ROBO2: variants seen among roughly 807,000 people sequenced by gnomAD.
ROBO2 encodes the protein roundabout homolog 2.
ROBO2 carries 53 observed loss-of-function variants against 160.8 expected under a neutral mutation model. That is an observed-to-expected ratio of 0.33 (90% CI 0.26 to 0.41). ROBO2 has a LOEUF of 0.41. Among genes scored for constraint, ROBO2 ranks in the 10% least tolerant of loss-of-function variants. The pLI, the probability that ROBO2 is intolerant of heterozygous loss-of-function variation, is 1.00. For missense variants in ROBO2, 1,577 were observed against 1,722.4 expected, an observed-to-expected ratio of 0.92 and a Z score of 1.49; for synonymous variants, 664 against 611.7, an observed-to-expected ratio of 1.09 and a Z score of -1.26.
intron 2 of ROBO2, among the ~76,000 whole-genome samples, chr3:77,298,698 G>A (rs923755220): frequency 3.9e-5 from 6 of 152,126 alleles, no homozygotes; most frequent in Admixed American, 2.6e-4. Context: ...AGAAAACTTT[G>A]GTTGGGCTTC....
chr3:77,609,412 T>G (rs1431240017), intron 21 of ROBO2, among the ~76,000 whole-genome samples: 1 of 152,064 alleles, frequency 6.6e-6, no homozygotes, highest in Non-Finnish European at 1.5e-5. Flanking sequence ...ACCTGCATTT[T>G]AAAAGCTATA....
chr3:76,183,711 C>T (rs1457997084), intron 2 of ROBO2, among the ~76,000 whole-genome samples: 1 of 151,988 alleles, frequency 6.6e-6, no homozygotes, highest in Non-Finnish European at 1.5e-5. Flanking sequence ...ATTCTATTGG[C>T]TTATTTTTGC....
At chr3:77,622,371 C>A in exon 23 of ROBO2, 1 of 1,613,906 alleles carries the variant, frequency 6.2e-7, no homozygotes, top group South Asian at 1.1e-5. Flanking sequence ...TCCCCAGGCC[C>A]CTGAGAGCAC....
At chr3:76,461,947 G>C (rs1201544073) in intron 2 of ROBO2, among the ~76,000 whole-genome samples, 1 of 151,990 alleles carries the variant, frequency 6.6e-6, no homozygotes, top group African/African-American at 2.4e-5. Flanking sequence ...AAGCATAAAA[G>C]GACCAGATTA....
At chr3:76,220,125 A>G (rs1703861014) in intron 2 of ROBO2, among the ~76,000 whole-genome samples, 2 of 148,310 alleles carry the variant, frequency 1.3e-5, no homozygotes, top group Admixed American at 6.8e-5. Flanking sequence ...GGAATTGAAC[A>G]ATGAGAACAC....
intron 2 of ROBO2, among the ~76,000 whole-genome samples, chr3:76,233,777 A>G (rs566973150): frequency 5.9e-5 from 9 of 152,184 alleles, no homozygotes; most frequent in Non-Finnish European, 1.2e-4. Context: ...CAAACAATTC[A>G]TAAACGTACA....
At chr3:76,248,660 TAAAA>T (rs551143290) in intron 2 of ROBO2, among the ~76,000 whole-genome samples, 1 of 115,824 alleles carries the variant, frequency 8.6e-6, no homozygotes, top group African/African-American at 3.1e-5. Context: ...AAAAAAAACT[TAAAA>T]AAAAAAAAAG....
intron 2 of ROBO2, among the ~76,000 whole-genome samples, chr3:76,650,176 A>AG (rs1435066059): frequency 6.6e-6 from 1 of 152,172 alleles, no homozygotes; most frequent in Non-Finnish European, 1.5e-5. Context: ...AGGAATAAAG[A>AG]GAAAAAAGGA....
At chr3:76,966,839 T>C (rs2059319494) in intron 2 of ROBO2, among the ~76,000 whole-genome samples, 1 of 152,220 alleles carries the variant, frequency 6.6e-6, no homozygotes, top group Non-Finnish European at 1.5e-5. Flanking sequence ...TACAATAGGT[T>C]CAAAAACAGG....
At chr3:76,922,319 G>T (rs1451164293) in intron 2 of ROBO2, among the ~76,000 whole-genome samples, 1 of 152,112 alleles carries the variant, frequency 6.6e-6, no homozygotes, top group African/African-American at 2.4e-5. Context: ...AATTATTACT[G>T]AATGCCTAAT....
rs755070628 is a variant in ROBO2, at chr3:76,834,171, T to TTCTTTCTTTCTC, written c.110-263840_110-263839insTTCTTTCTCTCT. On this transcript the variant is annotated intron_variant, in intron 2 of 26. Coordinates refer to the ROBO2 transcript ENST00000487694. ...CCTTTCTTTCTCTCTCTTTCTTTCT[T>TTCTTTCTTTCTC]TCTCTCTCTCTCTCTCTCTTTCTTT... Among the ~76,000 whole-genome samples the TTCTTTCTTTCTC allele has an allele frequency of 7.5e-3, 874 of 117,086 alleles. 81 individuals are homozygous for TTCTTTCTTTCTC. The East Asian group carries it at 0.15, about 20-fold the overall frequency. 76.8% of individuals were successfully genotyped at this position (117,086 alleles called of 152,430 possible). A position where few individuals can be genotyped will look rare whatever the true frequency, so the allele number is the denominator to read the frequency against.
intron 1 of ROBO2, among the ~76,000 whole-genome samples, chr3:77,049,947 A>C (rs1054670663): frequency 1.3e-5 from 2 of 152,224 alleles, no homozygotes; most frequent in African/African-American, 4.8e-5. Flanking sequence ...TTTCCAAAAA[A>C]CTTGAGTTAA....
At chr3:77,539,013 G>A (rs1467619913) in intron 6 of ROBO2, 2 of 376,308 alleles carry the variant, frequency 5.3e-6, no homozygotes, top group Non-Finnish European at 1.0e-5. Context: ...CGCCTCCCGG[G>A]TTCAAGCAAT....
intron 21 of ROBO2, among the ~76,000 whole-genome samples, chr3:77,613,513 T>C (rs1053031093): frequency 6.6e-6 from 1 of 152,182 alleles, no homozygotes; most frequent in Non-Finnish European, 1.5e-5. Flanking sequence ...GAACAGCACA[T>C]TTCATATTGA....
At chr3:76,867,789 C>T (rs1559624511) in intron 2 of ROBO2, among the ~76,000 whole-genome samples, 1 of 152,124 alleles carries the variant, frequency 6.6e-6, no homozygotes, top group Non-Finnish European at 1.5e-5. Context: ...TTGCATGAGC[C>T]TTGGGAAAGG....
chr3:77,142,206 A>G (rs1315118943), intron 2 of ROBO2, among the ~76,000 whole-genome samples: 1 of 152,238 alleles, frequency 6.6e-6, no homozygotes, highest in Non-Finnish European at 1.5e-5. Context: ...AGAGAGTTAA[A>G]GATGGATTAT....
chr3:77,115,780 G>C (rs1314405035), intron 2 of ROBO2, among the ~76,000 whole-genome samples: 1 of 152,136 alleles, frequency 6.6e-6, no homozygotes, highest in African/African-American at 2.4e-5. Flanking sequence ...TTTTGTATTT[G>C]TTTGTGATTA....
At chr3:76,929,588 C>T (rs1350510844) in intron 2 of ROBO2, among the ~76,000 whole-genome samples, 1 of 152,216 alleles carries the variant, frequency 6.6e-6, no homozygotes, top group Non-Finnish European at 1.5e-5. Context: ...CTTGTCAAAA[C>T]AGCAGACAAG....
At chr3:76,277,875 AAAT>A (rs1708017313) in intron 2 of ROBO2, among the ~76,000 whole-genome samples, 1 of 151,830 alleles carries the variant, frequency 6.6e-6, no homozygotes, top group African/African-American at 2.4e-5. Flanking sequence ...ATAGGTAAAT[AAAT>A]AATAAGTCCA....
Sources: gnomAD v4.1 joint callset for allele counts (sites outside exome capture counted in the v4.1 genomes callset) on GRCh38, gnomAD v4.1.1 for gene constraint, MANE v1.5 for transcripts, NCBI Gene and HGNC (gene_info 2026-07-23, HGNC 2026-07-21) for gene names.